CCDC137: variants seen among roughly 807,000 people sequenced by gnomAD.
CCDC137 encodes the protein coiled-coil domain-containing protein 137.
Under a neutral mutation model 30.4 loss-of-function variants are expected in CCDC137, and 24 were observed. That is an observed-to-expected ratio of 0.79 (90% CI 0.57 to 1.11). The LOEUF is 1.11. Among genes scored for constraint, CCDC137 ranks in the 50% least tolerant of loss-of-function variants. The pLI is 0.00. For missense variants in CCDC137, 417 were observed against 380.4 expected (o/e 1.10, Z -0.80); for synonymous variants, 182 against 155.7 (o/e 1.17, Z -1.26).
In CCDC137 at chr17:81,670,335, C is replaced by G; in HGVS notation, c.379C>G (p.His127Asp). The G allele has an allele frequency of 6.2e-7, 1 of 1,614,006 alleles. No individual in the cohort carries two copies. Among genetic ancestry groups the G allele is most frequent in the Non-Finnish European group, 8.5e-7 (1 of 1,180,032 alleles). ...GGGGGAGTCTGACGGGGCCTATATC[C>G]ACCGCATGCAGCAAGAGGCCCAGCA... is the stretch of plus-strand genomic sequence containing the variant. ...RKGESDGAYI[H>D]RMQQEAQHVL... Residue 127 changes from histidine (H) to aspartate (D), a missense_variant, in exon 3 of 6, where the codon CAC (histidine) becomes GAC (aspartate). Physicochemically the swap from His to Asp is moderately conservative, Grantham distance 81. Coordinates refer to ENST00000329214, the MANE Select transcript of CCDC137 (RefSeq NM_199287.3).
chr17:81,672,258 A>G lies in CCDC137; in HGVS notation c.660+103A>G, dbSNP rs146075994. Reference sequence around the variant, plus strand: ...GGTGGGTCACACCTGTAATCCCAGCACATTGGGAGGCCAAGGCAGGCGGAT... The same window carrying G: ...GGTGGGTCACACCTGTAATCCCAGCGCATTGGGAGGCCAAGGCAGGCGGAT... On this transcript the variant is annotated intron_variant, in intron 5 of 5. Transcript: ENST00000329214. 2.7e-3 allele frequency: 3,279 copies of G among 1,233,334 alleles called. 59 individuals carry two copies. In the African/African-American group the frequency reaches 0.042, roughly 16 times the overall value. The allele number at this position is 1,233,334 out of a possible 1,614,324, so 76.4% of individuals were successfully genotyped here.
At chr17:81,671,331 T>C (rs2036717942) in intron 3 of CCDC137, among the ~76,000 whole-genome samples, 1 of 152,136 alleles carries the variant, frequency 6.6e-6, no homozygotes, top group Non-Finnish European at 1.5e-5. Flanking sequence ...CAGATTCACA[T>C]TGAGGGAGAC....
rs1012627817 is a variant in CCDC137, at chr17:81,667,028, C to A, written c.134+128C>A. On this transcript the variant is annotated intron_variant, in intron 1 of 5. Coordinates refer to ENST00000329214, the MANE Select transcript of CCDC137 (RefSeq NM_199287.3). Reference sequence around the variant, plus strand: ...CCCAGGTCGGGCTCAGTGCCCTCCTCTGTCTGTGCCCGCGGCCCACGCTCC... The same window carrying A: ...CCCAGGTCGGGCTCAGTGCCCTCCTATGTCTGTGCCCGCGGCCCACGCTCC... 22 of 997,128 alleles carry A rather than the reference C, an allele frequency of 2.2e-5. No individual in the cohort carries two copies. The South Asian group carries it at 9.1e-4, about 41-fold the overall frequency. The allele number at this position is 997,128 out of a possible 1,614,324, so 61.8% of individuals were successfully genotyped here. A position where few individuals can be genotyped will look rare whatever the true frequency, so the allele number is the denominator to read the frequency against.
chr17:81,671,509 G>A, intron 3 of CCDC137: 1 of 541,802 alleles, frequency 1.8e-6, no homozygotes, highest in South Asian at 2.1e-5. Context: ...GCAGGTAGCT[G>A]TCCCCAGCTG....
At chr17:81,669,628 C>T (rs1330209901) in intron 2 of CCDC137, among the ~76,000 whole-genome samples, 2 of 151,570 alleles carry the variant, frequency 1.3e-5, no homozygotes, top group East Asian at 2.0e-4. Context: ...GGCGCAATCT[C>T]GGCTCACTGC....
intron 2 of CCDC137, among the ~76,000 whole-genome samples, chr17:81,668,493 TTTCTC>T (rs2036678623): frequency 6.6e-6 from 1 of 152,176 alleles, no homozygotes; most frequent in Non-Finnish European, 1.5e-5. Flanking sequence ...TATAGACACA[TTTCTC>T]TTCCCAAACG....
In CCDC137 at chr17:81,670,332, A is replaced by T. The variant is rs1431480475; in HGVS notation, c.376A>T (p.Ile126Phe). 2 of 1,614,018 alleles carry T rather than the reference A, an allele frequency of 1.2e-6. No individual in the cohort carries two copies. The highest frequency in any genetic ancestry group is 1.7e-6 in the Non-Finnish European group (2 of 1,180,040). ...GAAGGGGGAGTCTGACGGGGCCTATATCCACCGCATGCAGCAAGAGGCCCA... is the reference window on the plus strand; with the variant it reads ...GAAGGGGGAGTCTGACGGGGCCTATTTCCACCGCATGCAGCAAGAGGCCCA... ...QRKGESDGAY[I>F]HRMQQEAQHV... is the part of the protein sequence containing the mutation. Residue 126 changes from isoleucine (I) to phenylalanine (F), a missense_variant, in exon 3 of 6, where the codon ATC becomes TTC. Coordinates refer to ENST00000329214, the MANE Select transcript of CCDC137 (RefSeq NM_199287.3).
chr17:81,668,910 C>G (rs1170629998), intron 2 of CCDC137, among the ~76,000 whole-genome samples: 1 of 149,626 alleles, frequency 6.7e-6, no homozygotes, highest in Non-Finnish European at 1.5e-5. Context: ...GAGACAGTCT[C>G]CCTCTAGCCC....
Position 81,670,472 on chromosome 17 carries a change from GGGAGGGGTCTGCCCTGGGAGCC to G in CCDC137, c.497+26_497+47del. The G allele has an allele frequency of 2.5e-6, 4 of 1,601,460 alleles. No individual in the cohort carries two copies. The highest frequency in any genetic ancestry group is 3.4e-6 in the Non-Finnish European group (4 of 1,172,430). On this transcript the variant is annotated intron_variant, in intron 3 of 5. Coordinates refer to ENST00000329214, the MANE Select transcript of CCDC137 (RefSeq NM_199287.3). ...AAAAAGCGTGAGTGGAGGCGGGAGGGGGAGGGGTCTGCCCTGGGAGCCGGAGGGAAGACATTGGGTTCCCATG... is the reference window on the plus strand; with the variant it reads ...AAAAAGCGTGAGTGGAGGCGGGAGGGGGAGGGAAGACATTGGGTTCCCATG...
At chr17:81,667,900 G>GT in intron 2 of CCDC137, 38 bp downstream of exon 2, 1 of 1,602,246 alleles carries the variant, frequency 6.2e-7, no homozygotes, top group Non-Finnish European at 8.5e-7. Context: ...GTGAAGCTTT[G>GT]TGTGTCTCAA....
intron 3 of CCDC137, chr17:81,671,502 G>A: frequency 1.9e-6 from 1 of 534,776 alleles, no homozygotes; most frequent in Non-Finnish European, 3.4e-6. Context: ...TTCCCTGGCA[G>A]GTAGCTGTCC....
intron 2 of CCDC137, among the ~76,000 whole-genome samples, chr17:81,669,633 C>T (rs1837953625): frequency 6.6e-6 from 1 of 151,696 alleles, no homozygotes; most frequent in Non-Finnish European, 1.5e-5. Context: ...AATCTCGGCT[C>T]ACTGCAAGCT....
intron 3 of CCDC137, 143 bp from the exon 4 acceptor site, chr17:81,671,601 G>C: frequency 1.4e-6 from 1 of 717,032 alleles, no homozygotes; most frequent in Admixed American, 2.3e-5. Context: ...GGGTGGTAAG[G>C]GGAGCGGGGA....
At position 81,666,790 on chromosome 17, in the gene CCDC137, A is replaced by G. The variant is rs757525320; in HGVS notation, c.24A>G (p.Ala8=). MAGAGRG[A]AVSRVQAGPG... Reference sequence around the variant, plus strand: ...AGATGGCGGGAGCTGGTCGCGGAGCAGCGGTGTCCAGGGTGCAGGCGGGTC... The same window carrying G: ...AGATGGCGGGAGCTGGTCGCGGAGCGGCGGTGTCCAGGGTGCAGGCGGGTC... The change falls in exon 1 of 6, where the codon GCA becomes GCG. Residue 8 remains alanine, a synonymous_variant. Transcript: ENST00000329214. The G allele has an allele frequency of 1.2e-5, 17 of 1,468,582 alleles. No individual in the cohort carries two copies. Among genetic ancestry groups the G allele is most frequent in the African/African-American group, 4.4e-5 (3 of 67,976 alleles). 91.0% of individuals were successfully genotyped at this position (1,468,582 alleles called of 1,614,324 possible).
intron 3 of CCDC137, among the ~76,000 whole-genome samples, 154 bp downstream of exon 3, chr17:81,670,607 G>A (rs7209877): frequency 1.3e-5 from 2 of 151,994 alleles, no homozygotes; most frequent in East Asian, 1.9e-4. Flanking sequence ...TTGGCGAGTC[G>A]GAGCATCCAG....
intron 4 of CCDC137, 67 bp from the exon 5 acceptor site, chr17:81,672,009 G>A: frequency 4.4e-6 from 7 of 1,574,186 alleles, no homozygotes; most frequent in Non-Finnish European, 5.2e-6. Flanking sequence ...TGGGCGGGTG[G>A]TGGCTCTGGG....
chr17:81,668,946 C>T (rs1314225948), intron 2 of CCDC137, among the ~76,000 whole-genome samples: 1 of 150,800 alleles, frequency 6.6e-6, no homozygotes, highest in Non-Finnish European at 1.5e-5. Context: ...GGCACAATCT[C>T]AGCTCACTGC....
At chr17:81,671,641 C>T in intron 3 of CCDC137, 103 bp from the exon 4 acceptor site, 1 of 1,175,130 alleles carries the variant, frequency 8.5e-7, no homozygotes, top group South Asian at 1.3e-5. Flanking sequence ...TCTTGGGTCC[C>T]TGCTCTGCCA....
At chr17:81,669,549 T>C (rs1404062389) in intron 2 of CCDC137, among the ~76,000 whole-genome samples, 1 of 152,198 alleles carries the variant, frequency 6.6e-6, no homozygotes, top group African/African-American at 2.4e-5. Context: ...TCTCAGTGGA[T>C]GTCATAGGTC....
Sources: gnomAD v4.1 joint callset for allele counts (sites outside exome capture counted in the v4.1 genomes callset) on GRCh38, gnomAD v4.1.1 for gene constraint, MANE v1.5 for transcripts, NCBI Gene and HGNC (gene_info 2026-07-23, HGNC 2026-07-21) for gene names.